Variants in CNTNAP4 observed in about 807,000 individuals in gnomAD.
The protein encoded by CNTNAP4 is contactin-associated protein-like 4.
In CNTNAP4, 98 loss-of-function variants were observed where a neutral mutation model predicts 148.4. The ratio of observed to expected loss-of-function variants is 0.66; its 90% CI spans 0.56 to 0.78. The LOEUF (loss-of-function observed/expected upper bound fraction) is 0.78, where lower values mean the gene tolerates loss of function less well. Among genes scored for constraint, CNTNAP4 ranks in the 30% least tolerant of loss-of-function variants. The pLI, the probability that CNTNAP4 is intolerant of heterozygous loss-of-function variation, is 0.00. For synonymous variants in CNTNAP4, 730 were observed against 565.1 expected, an observed-to-expected ratio of 1.29 and a Z score of -4.14; for missense variants, 1,935 against 1,565.6, an observed-to-expected ratio of 1.24 and a Z score of -3.98.
chr16:76,522,711 CTT>C (rs1491368111), intron 17 of CNTNAP4, among the ~76,000 whole-genome samples: 696 of 24,592 alleles, frequency 0.028, 71 homozygotes, highest in Admixed American at 0.11. Context: ...CTTTTCTTTT[CTT>C]TTCTTTTCTT....
chr16:76,382,592 C>T (rs1398641272), intron 3 of CNTNAP4, among the ~76,000 whole-genome samples: 1 of 152,028 alleles, frequency 6.6e-6, no homozygotes, highest in Non-Finnish European at 1.5e-5. Flanking sequence ...TCATATAACC[C>T]TGTGTTTGAA....
At chr16:76,437,641 A>G (rs1348735646) in intron 4 of CNTNAP4, among the ~76,000 whole-genome samples, 2 of 152,100 alleles carry the variant, frequency 1.3e-5, no homozygotes, top group Admixed American at 6.6e-5. Context: ...TAAAGACCCA[A>G]CTCCTTATTT....
intron 1 of CNTNAP4, among the ~76,000 whole-genome samples, chr16:76,281,572 T>C (rs1472680650): frequency 6.6e-6 from 1 of 152,114 alleles, no homozygotes; most frequent in African/African-American, 2.4e-5. Context: ...AAATTAATTT[T>C]GGAATTTATA....
At chr16:76,301,572 C>T (rs560318524) in intron 1 of CNTNAP4, among the ~76,000 whole-genome samples, 2 of 152,198 alleles carry the variant, frequency 1.3e-5, no homozygotes, top group South Asian at 2.1e-4. Context: ...GTTACCAGTA[C>T]TTGGTTTAGT....
chr16:76,345,352 T>G (rs1183574875), intron 2 of CNTNAP4, among the ~76,000 whole-genome samples: 2 of 152,192 alleles, frequency 1.3e-5, no homozygotes, highest in Non-Finnish European at 2.9e-5. Context: ...TTAGGCAGAA[T>G]CATGGAAAAC....
chr16:76,547,258 A>G (rs1028309629), intron 21 of CNTNAP4, among the ~76,000 whole-genome samples: 5 of 152,214 alleles, frequency 3.3e-5, no homozygotes, highest in African/African-American at 7.2e-5. Flanking sequence ...CTGGATCACA[A>G]TTCCACCACA....
chr16:76,355,560 A>G, intron 3 of CNTNAP4, 49 bp downstream of exon 3: 2 of 1,315,934 alleles, frequency 1.5e-6, no homozygotes, highest in Non-Finnish European at 2.0e-6. Context: ...AAGTATAATC[A>G]GTACTGCATC....
intron 3 of CNTNAP4, among the ~76,000 whole-genome samples, chr16:76,383,418 CAT>C (rs2016194389): frequency 6.9e-6 from 1 of 144,424 alleles, no homozygotes; most frequent in African/African-American, 2.5e-5. Flanking sequence ...AAAAACGTAT[CAT>C]GTAACAACAG....
intron 1 of CNTNAP4, among the ~76,000 whole-genome samples, chr16:76,307,505 T>A (rs976006073): frequency 7.7e-5 from 2 of 26,012 alleles, no homozygotes; most frequent in Non-Finnish European, 1.8e-4. Flanking sequence ...TTTAAATGCA[T>A]ATATATATAT....
Position 76,521,319 on chromosome 16 carries a change from C to G in CNTNAP4, c.2536+9C>G, listed in dbSNP as rs149415686. 1,682 of 1,591,860 alleles carry G rather than the reference C, an allele frequency of 1.1e-3. 13 individuals are homozygous for G. In the African/African-American group the frequency reaches 0.02, roughly 19 times the overall value. On this transcript the variant is annotated intron_variant, in intron 16 of 23. Transcript: ENST00000611870. Reference sequence around the variant, plus strand: ...ACGGATAGAGCTTCGCTGTAAGTCTCCTTTTCCAGAGAAGTGTATGAGATT... The same window carrying G: ...ACGGATAGAGCTTCGCTGTAAGTCTGCTTTTCCAGAGAAGTGTATGAGATT...
intron 17 of CNTNAP4, among the ~76,000 whole-genome samples, chr16:76,531,396 A>G (rs559366555): frequency 6.6e-6 from 1 of 152,286 alleles, no homozygotes; most frequent in South Asian, 2.1e-4. Context: ...CAGCACCCAG[A>G]GAAATTATTC....
intron 21 of CNTNAP4, among the ~76,000 whole-genome samples, chr16:76,544,700 A>T (rs973020036): frequency 6.6e-6 from 1 of 152,280 alleles, no homozygotes; most frequent in African/African-American, 2.4e-5. Flanking sequence ...ACACTTTTAT[A>T]TGTTAGATTA....
intron 11 of CNTNAP4, among the ~76,000 whole-genome samples, chr16:76,476,895 A>T (rs987340059): frequency 6.6e-6 from 1 of 152,062 alleles, no homozygotes; most frequent in African/African-American, 2.4e-5. Context: ...TTGCAACCCT[A>T]TTTAATGAGG....
chr16:76,403,929 T>C (rs1452996509), intron 3 of CNTNAP4, among the ~76,000 whole-genome samples: 1 of 152,176 alleles, frequency 6.6e-6, no homozygotes, highest in East Asian at 1.9e-4. Flanking sequence ...CCATTATCAT[T>C]AGCAAACTAA....
chr16:76,511,406 A>G (rs9939813), intron 15 of CNTNAP4, among the ~76,000 whole-genome samples: 1,680 of 152,298 alleles, frequency 0.011, 38 homozygotes, highest in African/African-American at 0.038. Flanking sequence ...GCATGTAGGC[A>G]ATAAATAACT....
Position 76,518,568 on chromosome 16 carries a change from G to A in CNTNAP4, c.2366-2572G>A, listed in dbSNP as rs541621073. On this transcript the variant is annotated intron_variant, in intron 15 of 23. Transcript: ENST00000611870. ...ACATAATACTTATGCATATTTATGG[G>A]GTACGTGTGATATTTTGTTACATGC... is the stretch of plus-strand genomic sequence containing the variant. Among the ~76,000 whole-genome samples the A allele has an allele frequency of 7.9e-5, 12 of 151,862 alleles. 1 individual carries two copies. The highest frequency in any genetic ancestry group is 2.2e-4 in the African/African-American group (9 of 41,384).
In CNTNAP4 at chr16:76,452,762, C is replaced by A; in HGVS notation, c.1326C>A (p.Ile442=). ...AGCCAGGAAAATTACCCAGTGACAT[C>A]ACAGCAGGTAATAAATGTATTCCCT... ...LYQPGKLPSD[I]TAGVELNDGQ... Residue 442 remains isoleucine (I), a synonymous_variant, in exon 8 of 24, where the codon ATC becomes ATA. Transcript: ENST00000611870. 1 of 1,578,444 alleles carries A rather than the reference C, an allele frequency of 6.3e-7. No individual in the cohort carries two copies. The highest frequency in any genetic ancestry group is 8.6e-7 in the Non-Finnish European group (1 of 1,161,882).
In CNTNAP4 at chr16:76,475,410, C is replaced by G. The variant is rs139447639; in HGVS notation, c.1656-529C>G. On this transcript the variant is annotated intron_variant, in intron 10 of 23. Transcript: ENST00000611870. ...ATTTCTCTTGAAGACTTAAATTATC[C>G]TGGGAGTCCCTATGAGTTCTGTTTT... Among the ~76,000 whole-genome samples the G allele has an allele frequency of 1.1e-3, 170 of 152,216 alleles. 2 individuals are homozygous for G. The East Asian group carries it at 0.029, about 26-fold the overall frequency.
rs1321802008 is a variant in CNTNAP4, at chr16:76,467,342, T to G, written c.1484-10T>G. 6.2e-7 allele frequency: 1 copy of G among 1,613,260 alleles called. No individual in the cohort carries two copies. Among genetic ancestry groups the G allele is most frequent in the African/African-American group, 1.3e-5 (1 of 74,922 alleles). On this transcript the variant is annotated splice_polypyrimidine_tract_variant and intron_variant, in intron 9 of 23. Coordinates refer to ENST00000611870, the MANE Select transcript of CNTNAP4 (RefSeq NM_033401.5). Reference sequence around the variant, plus strand: ...TGTGATGCGTACTGGATTTATTTCGTTTTTATCAGGTTGTCCTGACAAAAG... The same window carrying G: ...TGTGATGCGTACTGGATTTATTTCGGTTTTATCAGGTTGTCCTGACAAAAG...
Sources: allele counts gnomAD v4.1 joint callset (sites outside exome capture counted in the v4.1 genomes callset), GRCh38; gene constraint gnomAD v4.1.1; transcripts MANE v1.5; gene names NCBI Gene and HGNC (gene_info 2026-07-23, HGNC 2026-07-21).